CHM: variants seen among roughly 807,000 people sequenced by gnomAD.
CHM encodes CHM Rab escort protein.
In CHM, 10 loss-of-function variants were observed where a neutral mutation model predicts 49.0. The ratio of observed to expected loss-of-function variants is 0.20; its 90% CI spans 0.13 to 0.35. CHM has a LOEUF of 0.35. CHM is among the 10% of genes least tolerant of loss of function. The pLI, the probability that CHM is intolerant of heterozygous loss-of-function variation, is 1.00. For missense variants in CHM, 455 were observed against 478.4 expected (o/e 0.95, Z 0.46); for synonymous variants, 184 against 167.5 (o/e 1.10, Z -0.76).
intron 2 of CHM, among the ~76,000 whole-genome samples, chrX:86,005,110 C>A (rs1210345996): frequency 1.8e-5 from 2 of 111,928 alleles, no homozygotes; most frequent in African/African-American, 6.5e-5. Context: ...TTTAAAAACT[C>A]ACTCAAAACT....
At chrX:85,896,263 G>T (rs532074154) in intron 11 of CHM, among the ~76,000 whole-genome samples, 2 of 111,339 alleles carry the variant, frequency 1.8e-5, no homozygotes, top group Middle Eastern at 4.6e-3. Flanking sequence ...GTAGAAGGCA[G>T]ATTTGAAGTA....
intron 11 of CHM, among the ~76,000 whole-genome samples, chrX:85,897,039 A>C (rs1305832160): frequency 3.1e-5 from 3 of 95,464 alleles, no homozygotes; most frequent in African/African-American, 1.2e-4. Flanking sequence ...TTATATAATA[A>C]CATAATATAT....
At chrX:85,980,854 A>G (rs1051217213) in intron 3 of CHM, among the ~76,000 whole-genome samples, 1 of 110,778 alleles carries the variant, frequency 9.0e-6, no homozygotes, top group Admixed American at 9.6e-5. Flanking sequence ...TAGTATTGAG[A>G]TCCTACTCTT....
At chrX:85,892,496 A>AT (rs995243513) in intron 12 of CHM, among the ~76,000 whole-genome samples, 48 of 109,114 alleles carry the variant, frequency 4.4e-4, no homozygotes, top group Non-Finnish European at 7.6e-4. Context: ...CTTCTTCCTC[A>AT]TTTTTTTCTT....
intron 8 of CHM, among the ~76,000 whole-genome samples, chrX:85,951,437 T>C (rs777908841): frequency 9.0e-6 from 1 of 111,071 alleles, no homozygotes; most frequent in African/African-American, 3.3e-5. Flanking sequence ...TCAGGTATAC[T>C]AAATGACCTC....
At chrX:85,981,408 A>G (rs1931601837) in intron 3 of CHM, among the ~76,000 whole-genome samples, 1 of 107,756 alleles carries the variant, frequency 9.3e-6, no homozygotes, top group Admixed American at 1.0e-4. Context: ...TAATTTTTGT[A>G]TTTTTAGTAG....
intron 8 of CHM, among the ~76,000 whole-genome samples, chrX:85,938,778 A>C (rs1928936935): frequency 9.0e-6 from 1 of 110,967 alleles, no homozygotes; most frequent in South Asian, 3.8e-4. Flanking sequence ...ACCTCCTCTT[A>C]ATCTAGCCAG....
intron 13 of CHM, among the ~76,000 whole-genome samples, chrX:85,875,242 G>T (rs1233867001): frequency 9.0e-6 from 1 of 111,570 alleles, no homozygotes; most frequent in African/African-American, 3.3e-5. Flanking sequence ...GAGGTCAGCT[G>T]GAAGGCAAAG....
At chrX:85,956,437 C>T in intron 7 of CHM, 59 bp from the exon 8 acceptor site, 2 of 1,158,374 alleles carry the variant, frequency 1.7e-6, no homozygotes, top group South Asian at 3.8e-5. Flanking sequence ...TTTAAAACCA[C>T]CCCACAAAAA....
chrX:86,026,654 AAAG>A (rs1369669641), intron 2 of CHM, among the ~76,000 whole-genome samples: 2 of 112,275 alleles, frequency 1.8e-5, no homozygotes, highest in Non-Finnish European at 3.8e-5. Context: ...GAACAGGTTA[AAAG>A]AAGATTAACT....
intron 12 of CHM, among the ~76,000 whole-genome samples, chrX:85,884,673 C>T (rs1050142509): frequency 5.4e-5 from 6 of 110,871 alleles, no homozygotes; most frequent in African/African-American, 2.0e-4. Context: ...AATTCTAAAT[C>T]AAACCAAATT....
intron 9 of CHM, among the ~76,000 whole-genome samples, chrX:85,910,536 GATTATA>G (rs763740019): frequency 1.8e-5 from 2 of 111,461 alleles, no homozygotes; most frequent in Non-Finnish European, 3.8e-5. Flanking sequence ...TCAGACCAGT[GATTATA>G]ACTGAAATAT....
chrX:86,031,495 G>A (rs1460496449), intron 1 of CHM, among the ~76,000 whole-genome samples: 1 of 112,223 alleles, frequency 8.9e-6, no homozygotes, highest in African/African-American at 3.2e-5. Flanking sequence ...TGTAGTCAAA[G>A]CAAGGAGGAT....
Position 85,864,510 on chromosome X carries a change from A to T in CHM, c.*120T>A. 3 of 593,059 alleles carry T rather than the reference A, an allele frequency of 5.1e-6. No homozygotes were observed. Among genetic ancestry groups the T allele is most frequent in the Non-Finnish European group, 5.6e-6 (2 of 354,174 alleles). 48.9% of individuals were successfully genotyped at this position (593,059 alleles called of 1,213,427 possible). On this transcript the variant is annotated 3_prime_UTR_variant, in exon 15 of 15. Transcript: ENST00000357749. ...GAAAATCCCCTTTTGGATTTCTATT[A>T]CCTATTTTGCCTTATAATTGCTGCT...
intron 2 of CHM, among the ~76,000 whole-genome samples, chrX:86,013,587 T>G (rs926477231): frequency 2.7e-5 from 3 of 109,308 alleles, no homozygotes; most frequent in African/African-American, 1.0e-4. Context: ...ATACAAAAAT[T>G]AGCTAGGCAT....
chrX:86,042,033 T>G (rs1934487171), intron 1 of CHM, among the ~76,000 whole-genome samples: 1 of 109,951 alleles, frequency 9.1e-6, no homozygotes, highest in Admixed American at 9.8e-5. Context: ...CACAAACAGA[T>G]ATTTGGTAAA....
intron 14 of CHM, among the ~76,000 whole-genome samples, chrX:85,867,598 C>T (rs1923779598): frequency 8.9e-6 from 1 of 112,156 alleles, no homozygotes; most frequent in African/African-American, 3.2e-5. Context: ...ACTTTAAGGA[C>T]TATAGCACTT....
intron 8 of CHM, among the ~76,000 whole-genome samples, chrX:85,933,619 T>C (rs1928563701): frequency 8.9e-6 from 1 of 112,356 alleles, no homozygotes; most frequent in East Asian, 2.8e-4. Flanking sequence ...AGGGTTATTT[T>C]AGAGTTAATT....
At chrX:86,046,107 T>C (rs1054688746) in intron 1 of CHM, among the ~76,000 whole-genome samples, 1 of 112,309 alleles carries the variant, frequency 8.9e-6, no homozygotes, top group Non-Finnish European at 1.9e-5. Flanking sequence ...CTTCCTTATA[T>C]TCAAAAACAA....
Sources: gnomAD v4.1 joint callset for allele counts (sites outside exome capture counted in the v4.1 genomes callset) on GRCh38, gnomAD v4.1.1 for gene constraint, MANE v1.5 for transcripts, NCBI Gene and HGNC (gene_info 2026-07-23, HGNC 2026-07-21) for gene names.